The following KCNG3 variants were observed in gnomAD, a reference collection of about 807,000 sequenced individuals.
KCNG3 encodes potassium voltage-gated channel modifier subfamily G member 3.
In KCNG3, 15 loss-of-function variants were observed where a neutral mutation model predicts 29.0. The ratio of observed to expected loss-of-function variants is 0.52; its 90% CI spans 0.35 to 0.80. The LOEUF (loss-of-function observed/expected upper bound fraction) is 0.80. Among genes scored for constraint, KCNG3 ranks in the 30% least tolerant of loss-of-function variants. KCNG3 has a pLI of 0.01. For synonymous variants in KCNG3, 322 were observed against 248.9 expected, an observed-to-expected ratio of 1.29 and a Z score of -2.76; for missense variants, 512 against 605.7, an observed-to-expected ratio of 0.85 and a Z score of 1.62.
chr2:42,437,325 C>G (rs541127103), downstream of KCNG3, among the ~76,000 whole-genome samples: 21 of 152,156 alleles, frequency 1.4e-4, no homozygotes, highest in African/African-American at 4.3e-4. Context: ...CAACCATGAC[C>G]CACGATTCTA....
chr2:42,390,876 C>T, the KCNG3 span, among the ~76,000 whole-genome samples: 5 of 152,258 alleles, frequency 3.3e-5, no homozygotes, highest in East Asian at 3.9e-4. Context: ...TCATTTTCTC[C>T]GAGAGTCCAA....
At chr2:42,421,956 C>T in the KCNG3 span, among the ~76,000 whole-genome samples, 4 of 151,980 alleles carry the variant, frequency 2.6e-5, no homozygotes, top group African/African-American at 9.7e-5. Context: ...TCATTGGTAA[C>T]CAAGATGTTA....
At chr2:42,483,984 T>C (rs1001992764) in intron 1 of KCNG3, among the ~76,000 whole-genome samples, 2 of 152,164 alleles carry the variant, frequency 1.3e-5, no homozygotes, top group Non-Finnish European at 2.9e-5. Flanking sequence ...GATTTCGCCA[T>C]GTTGCCCAGG....
chr2:42,484,780 G>C (rs959438897), intron 1 of KCNG3, among the ~76,000 whole-genome samples: 1 of 152,188 alleles, frequency 6.6e-6, no homozygotes, highest in Non-Finnish European at 1.5e-5. Flanking sequence ...TCTGGTTACA[G>C]AAAGGGCATT....
chr2:42,466,932 A>C (rs1572853189), intron 1 of KCNG3, among the ~76,000 whole-genome samples: 1 of 151,504 alleles, frequency 6.6e-6, no homozygotes, highest in South Asian at 2.1e-4. Flanking sequence ...TTTGTATTTT[A>C]AGTAGAGATG....
chr2:42,481,028 G>A (rs912342753), intron 1 of KCNG3, among the ~76,000 whole-genome samples: 2 of 152,200 alleles, frequency 1.3e-5, no homozygotes, highest in African/African-American at 4.8e-5. Context: ...TGATTTGCCC[G>A]CCTCACCCTC....
intron 1 of KCNG3, among the ~76,000 whole-genome samples, chr2:42,482,771 T>G (rs1348332144): frequency 6.6e-6 from 1 of 151,854 alleles, no homozygotes; most frequent in Non-Finnish European, 1.5e-5. Context: ...GGTTGCACAA[T>G]CTTGTAAATA....
At chr2:42,487,574 G>A (rs1213073822) in intron 1 of KCNG3, among the ~76,000 whole-genome samples, 1 of 152,036 alleles carries the variant, frequency 6.6e-6, no homozygotes, top group Non-Finnish European at 1.5e-5. Flanking sequence ...AAAACTACTG[G>A]ATACCATTTT....
the KCNG3 span, among the ~76,000 whole-genome samples, chr2:42,389,505 C>T: frequency 6.6e-6 from 1 of 152,174 alleles, no homozygotes; most frequent in African/African-American, 2.4e-5. Context: ...CATTTGGACC[C>T]ATTTATGCTC....
intron 1 of KCNG3, among the ~76,000 whole-genome samples, chr2:42,467,888 C>T (rs1056093744): frequency 4.0e-5 from 6 of 149,466 alleles, no homozygotes; most frequent in Non-Finnish European, 8.9e-5. Flanking sequence ...GAGGATCACC[C>T]GAGCCTGGAG....
chr2:42,390,025 C>T, the KCNG3 span, among the ~76,000 whole-genome samples: 3 of 152,110 alleles, frequency 2.0e-5, no homozygotes, highest in Non-Finnish European at 4.4e-5. Context: ...GGCTTACTGC[C>T]CCCACCCTAA....
chr2:42,407,177 C>CTTTTTTTTTTTTTTTTTTTT, the KCNG3 span, among the ~76,000 whole-genome samples: 4 of 133,148 alleles, frequency 3.0e-5, no homozygotes, highest in African/African-American at 1.1e-4. Context: ...TCTGCTTGAT[C>CTTTTTTTTTTTTTTTTTTTT]TTTTTTTTTT....
At chr2:42,447,471 A>T (rs1369767105) in intron 1 of KCNG3, among the ~76,000 whole-genome samples, 6 of 152,008 alleles carry the variant, frequency 3.9e-5, no homozygotes, top group Non-Finnish European at 8.8e-5. Flanking sequence ...ACTGTGATTT[A>T]TTTAACCAGT....
At chr2:42,492,127 G>C (rs905998279) in intron 1 of KCNG3, among the ~76,000 whole-genome samples, 1 of 152,164 alleles carries the variant, frequency 6.6e-6, no homozygotes, top group African/African-American at 2.4e-5. Context: ...TCTGGATTTA[G>C]GACAGTTTAG....
the KCNG3 span, among the ~76,000 whole-genome samples, chr2:42,391,898 G>A: frequency 5.9e-5 from 9 of 152,014 alleles, no homozygotes; most frequent in African/African-American, 7.2e-5. Context: ...CACCGCGCCC[G>A]GCCTAAACAT....
chr2:42,419,278 C>A, the KCNG3 span, among the ~76,000 whole-genome samples: 1 of 124,836 alleles, frequency 8.0e-6, no homozygotes, highest in Non-Finnish European at 1.6e-5. Flanking sequence ...CTCTGTGGCA[C>A]CCAGGCTGGA....
At chr2:42,431,836 G>C in the KCNG3 span, among the ~76,000 whole-genome samples, 8 of 152,206 alleles carry the variant, frequency 5.3e-5, no homozygotes, top group South Asian at 1.2e-3. Context: ...TCAGGAGTTC[G>C]AGACCAGCCT....
At chr2:42,466,667 G>C (rs1478027947) in intron 1 of KCNG3, among the ~76,000 whole-genome samples, 1 of 152,008 alleles carries the variant, frequency 6.6e-6, no homozygotes, top group Non-Finnish European at 1.5e-5. Context: ...TGTACTGTTG[G>C]TGGGAGTACA....
At chr2:42,467,805 T>C (rs1483508769) in intron 1 of KCNG3, among the ~76,000 whole-genome samples, 1 of 151,738 alleles carries the variant, frequency 6.6e-6, no homozygotes, top group Non-Finnish European at 1.5e-5. Context: ...CTCTTGTCTC[T>C]ACAAAAAATA....
Sources: gnomAD v4.1 joint callset for allele counts (sites outside exome capture counted in the v4.1 genomes callset) on GRCh38, gnomAD v4.1.1 for gene constraint, MANE v1.5 for transcripts, NCBI Gene and HGNC (gene_info 2026-07-23, HGNC 2026-07-21) for gene names.